The following CREB5 variants were observed in gnomAD, a reference collection of about 807,000 sequenced individuals.
CREB5 encodes cAMP responsive element binding protein 5.
CREB5 carries 19 observed loss-of-function variants against 57.1 expected under a neutral mutation model. The ratio of observed to expected loss-of-function variants is 0.33; its 90% CI spans 0.23 to 0.49. The LOEUF is 0.49. Among genes scored for constraint, CREB5 ranks in the 20% least tolerant of loss-of-function variants. CREB5 has a pLI of 0.99. For synonymous variants in CREB5, 238 were observed against 238.3 expected, an observed-to-expected ratio of 1.00 and a Z score of 0.01; for missense variants, 579 against 671.6, an observed-to-expected ratio of 0.86 and a Z score of 1.52.
intron 5 of CREB5, among the ~76,000 whole-genome samples, chr7:28,688,184 AAAC>A (rs1268746540): frequency 1.9e-4 from 29 of 152,170 alleles, no homozygotes; most frequent in Non-Finnish European, 5.9e-5. Context: ...TTTGGCAAAA[AAAC>A]AAACATGGTA....
intron 5 of CREB5, among the ~76,000 whole-genome samples, chr7:28,614,920 A>T (rs902797196): frequency 1.3e-5 from 2 of 152,228 alleles, no homozygotes; most frequent in African/African-American, 4.8e-5. Flanking sequence ...TGGCTATATA[A>T]AAGATAAGTA....
chr7:28,729,086 T>C (rs752796350), intron 7 of CREB5, among the ~76,000 whole-genome samples: 1 of 152,212 alleles, frequency 6.6e-6, no homozygotes, highest in Non-Finnish European at 1.5e-5. Flanking sequence ...AGGTTTGCAA[T>C]TTATTGAATA....
chr7:28,597,776 C>A (rs1055885384), intron 5 of CREB5, among the ~76,000 whole-genome samples: 2 of 152,086 alleles, frequency 1.3e-5, no homozygotes, highest in African/African-American at 4.8e-5. Context: ...GGAGAGGATT[C>A]CCTCTCGAAG....
In CREB5 at chr7:28,819,288, A is replaced by G. The variant is rs1809627423; in HGVS notation, c.*9A>G. On this transcript the variant is annotated 3_prime_UTR_variant, in exon 11 of 11. Transcript: ENST00000357727. ...TGAATCCGATTCTTTAAAATGCACC[A>G]TCAGACCTGGCCTCCAAGAAGAGCT... The G allele has an allele frequency of 1.9e-6, 3 of 1,611,700 alleles. No homozygotes were observed. The highest frequency in any genetic ancestry group is 2.5e-6 in the Non-Finnish European group (3 of 1,178,814).
In CREB5 at chr7:28,501,300, T is replaced by C. The variant is rs373153161; in HGVS notation, c.169+6301T>C. Among the ~76,000 whole-genome samples the C allele has an allele frequency of 3.9e-5, 6 of 152,354 alleles. 1 individual carries two copies. The South Asian group carries it at 1.0e-3, about 26-fold the overall frequency. ...AAAATAATCAAAAGTTTTTAGGAGA[T>C]TCTTCTAACACATAAGCATTGAAAA... On this transcript the variant is annotated intron_variant, in intron 3 of 10. Transcript: ENST00000357727.
At chr7:28,543,578 T>TAAAAA (rs34533813) in intron 4 of CREB5, among the ~76,000 whole-genome samples, 6 of 92,310 alleles carry the variant, frequency 6.5e-5, no homozygotes, top group South Asian at 3.6e-4. Flanking sequence ...TCATTTTAGG[T>TAAAAA]AAAAAAAAAA....
chr7:28,661,076 T>A (rs1332327925), intron 5 of CREB5, among the ~76,000 whole-genome samples: 1 of 130,546 alleles, frequency 7.7e-6, no homozygotes, highest in Admixed American at 8.3e-5. Context: ...AATGGGGTGG[T>A]GGGAATGGGG....
chr7:28,522,063 C>A (rs1793228396), intron 4 of CREB5, among the ~76,000 whole-genome samples: 1 of 152,128 alleles, frequency 6.6e-6, no homozygotes, highest in African/African-American at 2.4e-5. Flanking sequence ...TTTATATTAT[C>A]CCCGTTCATC....
intron 7 of CREB5, among the ~76,000 whole-genome samples, chr7:28,785,121 G>A (rs975896912): frequency 6.6e-6 from 1 of 152,124 alleles, no homozygotes. Context: ...CTCCAAGTTG[G>A]AAAAATAAAC....
chr7:28,479,012 T>C (rs1425684839), intron 1 of CREB5, among the ~76,000 whole-genome samples: 1 of 152,210 alleles, frequency 6.6e-6, no homozygotes, highest in Non-Finnish European at 1.5e-5. Flanking sequence ...AAGCTTAACT[T>C]TGCCCGAGTT....
chr7:28,768,616 C>T (rs114822287), intron 7 of CREB5, among the ~76,000 whole-genome samples: 2 of 152,070 alleles, frequency 1.3e-5, no homozygotes, highest in African/African-American at 2.4e-5. Context: ...TTTGAAGGTA[C>T]TGTGTGTGTG....
intron 4 of CREB5, among the ~76,000 whole-genome samples, chr7:28,543,521 T>G (rs1474338848): frequency 6.6e-6 from 1 of 151,544 alleles, no homozygotes; most frequent in African/African-American, 2.4e-5. Context: ...TTCCATCAGT[T>G]TTTGTACATA....
intron 5 of CREB5, among the ~76,000 whole-genome samples, chr7:28,650,135 C>T (rs1374092772): frequency 6.6e-6 from 1 of 152,178 alleles, no homozygotes; most frequent in African/African-American, 2.4e-5. Flanking sequence ...ATACTGAAAA[C>T]ACATAATCTA....
At chr7:28,539,351 C>T (rs936020173) in intron 4 of CREB5, among the ~76,000 whole-genome samples, 1 of 152,286 alleles carries the variant, frequency 6.6e-6, no homozygotes. Flanking sequence ...GCTGTCTGCT[C>T]TTACTTGCTG....
At position 28,443,753 on chromosome 7, in the gene CREB5, C is replaced by T. The variant is rs934880775; in HGVS notation, c.3+30836C>T. Among the ~76,000 whole-genome samples the T allele has an allele frequency of 2.6e-5, 4 of 152,214 alleles. No homozygotes were observed. In the South Asian group the frequency reaches 8.3e-4, roughly 32 times the overall value. Reference sequence around the variant, plus strand: ...CCTCAGCCACTGTCTCATCTTGCCTCCCCACCTTATGGCTAATTATATAAA... The same window carrying T: ...CCTCAGCCACTGTCTCATCTTGCCTTCCCACCTTATGGCTAATTATATAAA... On this transcript the variant is annotated intron_variant, in intron 1 of 10. Coordinates refer to ENST00000357727, the MANE Select transcript of CREB5 (RefSeq NM_182898.4).
intron 4 of CREB5, among the ~76,000 whole-genome samples, chr7:28,510,704 G>C (rs1229228009): frequency 1.3e-5 from 2 of 152,190 alleles, no homozygotes; most frequent in Non-Finnish European, 2.9e-5. Flanking sequence ...AATCAGCGCA[G>C]GCTGTAAGCA....
intron 5 of CREB5, among the ~76,000 whole-genome samples, chr7:28,591,480 C>T (rs1451092258): frequency 2.6e-5 from 4 of 152,112 alleles, no homozygotes; most frequent in Non-Finnish European, 4.4e-5. Flanking sequence ...TGTCCTGAGA[C>T]TATTTCTTAG....
At chr7:28,599,144 AT>A (rs1252960413) in intron 5 of CREB5, among the ~76,000 whole-genome samples, 1 of 152,186 alleles carries the variant, frequency 6.6e-6, no homozygotes, top group Non-Finnish European at 1.5e-5. Context: ...GTAGGATGTG[AT>A]TGAAGTTCCA....
At chr7:28,683,944 C>T (rs1344480148) in intron 5 of CREB5, among the ~76,000 whole-genome samples, 1 of 151,446 alleles carries the variant, frequency 6.6e-6, no homozygotes, top group Non-Finnish European at 1.5e-5. Context: ...CCATTTTGCA[C>T]CAAAAATAGT....
Sources: gnomAD v4.1 joint callset for allele counts (sites outside exome capture counted in the v4.1 genomes callset) on GRCh38, gnomAD v4.1.1 for gene constraint, MANE v1.5 for transcripts, NCBI Gene and HGNC (gene_info 2026-07-23, HGNC 2026-07-21) for gene names.